Variants in VAV3 observed in about 807,000 individuals in gnomAD.
VAV3 encodes guanine nucleotide exchange factor VAV3.
A neutral mutation model predicts 131.2 loss-of-function variants in VAV3; 94 were observed. The ratio of observed to expected loss-of-function variants is 0.72; its 90% CI spans 0.61 to 0.85. The LOEUF (loss-of-function observed/expected upper bound fraction) is 0.85. Ranked by LOEUF, VAV3 falls within the 40% of genes least tolerant of loss-of-function variation. The pLI is 0.00. For missense variants in VAV3, 939 were observed against 1,002.7 expected, an observed-to-expected ratio of 0.94 and a Z score of 0.86; for synonymous variants, 349 against 342.0, an observed-to-expected ratio of 1.02 and a Z score of -0.22.
At chr1:107,839,832 A>C (rs951411160) in intron 2 of VAV3, among the ~76,000 whole-genome samples, 2 of 152,156 alleles carry the variant, frequency 1.3e-5, no homozygotes, top group African/African-American at 4.8e-5. Flanking sequence ...ATCAGAAATA[A>C]AGGAGAGATC....
intron 1 of VAV3, among the ~76,000 whole-genome samples, chr1:107,934,873 A>T (rs985859539): frequency 6.6e-6 from 1 of 152,266 alleles, no homozygotes; most frequent in Non-Finnish European, 1.5e-5. Flanking sequence ...CAGCGAGGCA[A>T]ATGAGAGGAG....
At chr1:107,759,067 G>T (rs1664273569) in intron 10 of VAV3, among the ~76,000 whole-genome samples, 1 of 152,076 alleles carries the variant, frequency 6.6e-6, no homozygotes, top group African/African-American at 2.4e-5. Context: ...TAACTGTGCT[G>T]GTTCTGTACC....
intron 2 of VAV3, among the ~76,000 whole-genome samples, chr1:107,811,848 C>T (rs982187578): frequency 3.3e-5 from 5 of 152,182 alleles, no homozygotes; most frequent in Non-Finnish European, 7.3e-5. Context: ...TATCTTTGGA[C>T]TTCTAGTAGG....
chr1:107,832,383 G>A (rs552743663), intron 2 of VAV3, among the ~76,000 whole-genome samples: 1 of 152,196 alleles, frequency 6.6e-6, no homozygotes, highest in Non-Finnish European at 1.5e-5. Flanking sequence ...ACAATGATAA[G>A]AACAGGAAGA....
Position 107,577,680 on chromosome 1 carries a change from G to A in VAV3, c.2351-3482C>T, listed in dbSNP as rs530458575. Among the ~76,000 whole-genome samples the A allele has an allele frequency of 2.0e-5, 3 of 152,242 alleles. No homozygotes were observed. The East Asian group carries it at 5.8e-4, about 29-fold the overall frequency. ...CTGGAATATGAAAGCTACTATCTTG[G>A]TTCATGAGGAGGAAAGCCTCCCCTT... On this transcript the variant is annotated intron_variant, in intron 25 of 26. Coordinates refer to ENST00000370056, the MANE Select transcript of VAV3 (RefSeq NM_006113.5).
rs114006520 is a variant in VAV3 at position 107,831,283 on chromosome 1, T to C, written c.321+43618A>G. Among the ~76,000 whole-genome samples, 638 of 152,288 alleles carry C rather than the reference T, an allele frequency of 4.2e-3. 3 individuals carry two copies. The highest frequency in any genetic ancestry group is 0.017 in the Middle Eastern group (5 of 294). ...AAATAATATATGACATATATCTCTA[T>C]ACAATAATACCAATTTGATATTACC... On this transcript the variant is annotated intron_variant, in intron 2 of 26. Coordinates refer to ENST00000370056, the MANE Select transcript of VAV3 (RefSeq NM_006113.5).
At chr1:107,765,447 G>A (rs189020907) in intron 8 of VAV3, among the ~76,000 whole-genome samples, 1 of 152,272 alleles carries the variant, frequency 6.6e-6, no homozygotes, top group East Asian at 1.9e-4. Flanking sequence ...CTTGATGACT[G>A]TTAATGTTAT....
chr1:107,774,886 C>T lies in VAV3; in HGVS notation c.447-2043G>A, dbSNP rs138171453. 3.4e-3 allele frequency among the ~76,000 whole-genome samples: 517 copies of T among 150,910 alleles called. 3 individuals carry two copies. The highest frequency in any genetic ancestry group is 3.8e-3 in the Admixed American group (58 of 15,102). On this transcript the variant is annotated intron_variant, in intron 4 of 26. Coordinates refer to ENST00000370056, the MANE Select transcript of VAV3 (RefSeq NM_006113.5). ...CAAGCTGTCACAGCAAACTCAAAAC[C>T]AAGCATGTCTAGGGATAATACATTT...
At chr1:107,578,898 G>T (rs1649841209) in intron 25 of VAV3, 1 of 985,018 alleles carries the variant, frequency 1.0e-6, no homozygotes, top group Admixed American at 6.1e-5. Context: ...CTAGAAGAGA[G>T]AAATGATAAG....
chr1:107,933,151 G>T (rs1673529119), intron 1 of VAV3, among the ~76,000 whole-genome samples: 1 of 152,126 alleles, frequency 6.6e-6, no homozygotes, highest in Admixed American at 6.5e-5. Context: ...CTAAATGACA[G>T]TACAGTGTAA....
chr1:107,842,616 G>A (rs902262717), intron 2 of VAV3, among the ~76,000 whole-genome samples: 1 of 152,198 alleles, frequency 6.6e-6, no homozygotes, highest in Non-Finnish European at 1.5e-5. Context: ...GGCAAGGTAT[G>A]AGAGATAGCT....
rs1388651794 is a variant in VAV3, at chr1:107,957,763, G to A, written c.204+6903C>T. ...ATGATCAGTAACATCAATTGCTACA[G>A]GGGATTCGAGAAAAATAATAAAAAC... On this transcript the variant is annotated intron_variant, in intron 1 of 26. Transcript: ENST00000370056. 3.3e-5 allele frequency among the ~76,000 whole-genome samples: 5 copies of A among 151,888 alleles called. No individual in the cohort carries two copies. The East Asian group carries it at 9.6e-4, about 29-fold the overall frequency.
Position 107,964,764 on chromosome 1 carries a change from T to C in VAV3, c.106A>G (p.Thr36Ala), listed in dbSNP as rs760369450. Residue 36 changes from threonine to alanine, a missense_variant, in exon 1 of 27, where the codon ACC (threonine) becomes GCC (alanine). Thr to Ala is a moderately conservative substitution (Grantham distance 58). Coordinates refer to ENST00000370056, the MANE Select transcript of VAV3 (RefSeq NM_006113.5). Reference sequence around the variant, plus strand: ...CAGAGCAGGACTCCATCGCGGAGGGTCTGCGCAAGGTCGAACACCTGAGCC... The same window carrying C: ...CAGAGCAGGACTCCATCGCGGAGGGCCTGCGCAAGGTCGAACACCTGAGCC... ...DSAQVFDLAQ[T>A]LRDGVLLCQL... is the part of the protein sequence containing the mutation. 2.1e-4 allele frequency: 339 copies of C among 1,613,428 alleles called. 1 individual carries two copies. Among genetic ancestry groups the C allele is most frequent in the Non-Finnish European group, 2.8e-4 (325 of 1,179,908 alleles).
intron 22 of VAV3, 58 bp downstream of exon 22, chr1:107,609,873 T>C (rs1652585105): frequency 6.4e-7 from 1 of 1,556,406 alleles, no homozygotes. Flanking sequence ...ATTTAAGGCA[T>C]CCTGGAGCTA....
chr1:107,701,573 A>C (rs9726002), intron 17 of VAV3, among the ~76,000 whole-genome samples: 84,851 of 152,010 alleles, frequency 0.56, 24,719 homozygotes, highest in Non-Finnish European at 0.63. Flanking sequence ...CTCATTACTT[A>C]TGCAAACTTC....
At chr1:107,840,027 C>A (rs1668629087) in intron 2 of VAV3, among the ~76,000 whole-genome samples, 1 of 152,104 alleles carries the variant, frequency 6.6e-6, no homozygotes, top group Middle Eastern at 3.2e-3. Context: ...TAATTAATAA[C>A]CTTCCAAAAG....
intron 15 of VAV3, among the ~76,000 whole-genome samples, chr1:107,715,302 A>C (rs1214057005): frequency 6.6e-6 from 1 of 152,144 alleles, no homozygotes; most frequent in East Asian, 1.9e-4. Flanking sequence ...CTAAATGATA[A>C]AAAGTATTAC....
chr1:107,652,324 C>A (rs1223283129), intron 19 of VAV3, among the ~76,000 whole-genome samples: 1 of 152,036 alleles, frequency 6.6e-6, no homozygotes, highest in Non-Finnish European at 1.5e-5. Flanking sequence ...ATGAATAATC[C>A]ACCCCTTGTT....
chr1:107,656,752 T>C (rs955890651), intron 19 of VAV3, among the ~76,000 whole-genome samples: 2 of 151,944 alleles, frequency 1.3e-5, no homozygotes, highest in Non-Finnish European at 2.9e-5. Flanking sequence ...AATAAAAATA[T>C]AAAAAAGGAA....
Sources: allele counts gnomAD v4.1 joint callset (sites outside exome capture counted in the v4.1 genomes callset), GRCh38; gene constraint gnomAD v4.1.1; transcripts MANE v1.5; gene names NCBI Gene and HGNC (gene_info 2026-07-23, HGNC 2026-07-21).